The following ANKS1A variants were observed in gnomAD, a reference collection of about 807,000 sequenced individuals.
The protein encoded by ANKS1A is ankyrin repeat and SAM domain-containing protein 1A.
A neutral mutation model predicts 120.3 loss-of-function variants in ANKS1A; 55 were observed. The observed-to-expected ratio is 0.46, with a 90% confidence interval of 0.37 to 0.57. ANKS1A has a LOEUF of 0.57. Among genes scored for constraint, ANKS1A ranks in the 20% least tolerant of loss-of-function variants. The pLI, the probability that ANKS1A is intolerant of heterozygous loss-of-function variation, is 0.00. For missense variants in ANKS1A, 1,123 were observed against 1,480.3 expected, an observed-to-expected ratio of 0.76 and a Z score of 3.96; for synonymous variants, 590 against 604.7, an observed-to-expected ratio of 0.98 and a Z score of 0.36.
intron 1 of ANKS1A, among the ~76,000 whole-genome samples, chr6:34,937,292 G>A (rs997143092): frequency 7.3e-5 from 11 of 151,700 alleles, no homozygotes; most frequent in African/African-American, 2.2e-4. Flanking sequence ...GCAACATTGC[G>A]AGACCTCATC....
intron 1 of ANKS1A, among the ~76,000 whole-genome samples, chr6:34,947,222 T>C (rs1014532851): frequency 1.4e-5 from 2 of 143,536 alleles, no homozygotes; most frequent in Admixed American, 7.2e-5. Flanking sequence ...CTCAGCTCAC[T>C]ACAACCTCTG....
chr6:35,089,386 CCTGTCAGTGATCGGAG>C lies in ANKS1A; in HGVS notation c.*779_*794del. 1.0e-6 allele frequency: 1 copy of C among 986,688 alleles called. No homozygotes were observed. Among genetic ancestry groups the C allele is most frequent in the Non-Finnish European group, 1.2e-6 (1 of 830,580 alleles). The allele number at this position is 986,688 out of a possible 1,614,324, so 61.1% of individuals were successfully genotyped here. ...CGCCAGGCCTCTCCCTGGCCTCTTA[CCTGTCAGTGATCGGAG>C]CACTGCCCTGGGCTGGCCGGCGCCG... On this transcript the variant is annotated 3_prime_UTR_variant, in exon 24 of 24. Coordinates refer to ENST00000360359, the MANE Select transcript of ANKS1A (RefSeq NM_015245.3).
chr6:35,007,691 G>C (rs1773536063), intron 10 of ANKS1A, among the ~76,000 whole-genome samples: 1 of 152,186 alleles, frequency 6.6e-6, no homozygotes, highest in Admixed American at 6.5e-5. Flanking sequence ...AGGTGAAGTG[G>C]TACTTAACAG....
At chr6:35,034,528 A>G (rs967794428) in intron 11 of ANKS1A, among the ~76,000 whole-genome samples, 5 of 152,194 alleles carry the variant, frequency 3.3e-5, no homozygotes, top group Non-Finnish European at 7.3e-5. Context: ...TTCTGTCTGC[A>G]TCTGGGGAGC....
At chr6:34,968,321 C>T (rs898055862) in intron 2 of ANKS1A, among the ~76,000 whole-genome samples, 1 of 152,144 alleles carries the variant, frequency 6.6e-6, no homozygotes, top group African/African-American at 2.4e-5. Flanking sequence ...TGTCGGGGAG[C>T]ACAGTGAGTG....
intron 13 of ANKS1A, among the ~76,000 whole-genome samples, chr6:35,062,311 C>T (rs1054882010): frequency 1.1e-4 from 17 of 152,224 alleles, no homozygotes; most frequent in African/African-American, 4.1e-4. Flanking sequence ...GCACAGCATC[C>T]TGGGTAACCA....
chr6:35,026,422 C>T (rs1774627981), intron 11 of ANKS1A, among the ~76,000 whole-genome samples: 1 of 152,206 alleles, frequency 6.6e-6, no homozygotes, highest in South Asian at 2.1e-4. Context: ...ACAAAACAGA[C>T]AAATCCTCTT....
At chr6:34,894,533 T>C (rs1170831967) in intron 1 of ANKS1A, among the ~76,000 whole-genome samples, 1 of 152,032 alleles carries the variant, frequency 6.6e-6, no homozygotes, top group African/African-American at 2.4e-5. Flanking sequence ...GCACCTGTAG[T>C]CCCAGCTACT....
At chr6:35,012,242 G>T (rs369576900) in intron 10 of ANKS1A, among the ~76,000 whole-genome samples, 3 of 152,154 alleles carry the variant, frequency 2.0e-5, no homozygotes, top group Non-Finnish European at 4.4e-5. Flanking sequence ...TGGGCTTCTT[G>T]AATCCCTGTC....
chr6:35,033,581 C>T (rs1010834118), intron 11 of ANKS1A, among the ~76,000 whole-genome samples: 5 of 152,214 alleles, frequency 3.3e-5, no homozygotes, highest in African/African-American at 9.6e-5. Context: ...TTTCTCTGTA[C>T]TAAATTCTTC....
At chr6:35,092,976 T>C (rs1561976541), downstream of ANKS1A, among the ~76,000 whole-genome samples, 1 of 151,712 alleles carries the variant, frequency 6.6e-6, no homozygotes, top group Non-Finnish European at 1.5e-5. Context: ...CACCCTCTAG[T>C]CAGCCATGGC....
At chr6:35,038,396 AG>A (rs1203790331) in intron 11 of ANKS1A, 3 of 449,872 alleles carry the variant, frequency 6.7e-6, no homozygotes, top group African/African-American at 6.0e-5. Flanking sequence ...GAGAGAGTTA[AG>A]GGCAGTGAAG....
In ANKS1A at chr6:35,060,201, A is replaced by G; in HGVS notation, c.2132A>G (p.Gln711Arg). 6.2e-7 allele frequency: 1 copy of G among 1,612,972 alleles called. No homozygotes were observed. The highest frequency in any genetic ancestry group is 8.5e-7 in the Non-Finnish European group (1 of 1,179,834). The change falls in exon 13 of 24, where the codon CAG (glutamine) becomes CGG (arginine). Residue 711 changes from glutamine to arginine, a missense_variant. Transcript: ENST00000360359. The surrounding 1 kb of genome is among the most constrained non-coding windows in gnomAD (Gnocchi z 4.5). ...VGEWLESIGL[Q>R]QYESKLLLNG... Reference sequence around the variant, plus strand: ...GAGTGGCTGGAGTCGATTGGGCTGCAGCAGTATGAGAGCAAGTTGCTTCTG... The same window carrying G: ...GAGTGGCTGGAGTCGATTGGGCTGCGGCAGTATGAGAGCAAGTTGCTTCTG...
chr6:34,966,399 T>G (rs1473515825), intron 1 of ANKS1A, among the ~76,000 whole-genome samples: 1 of 152,172 alleles, frequency 6.6e-6, no homozygotes, highest in Admixed American at 6.5e-5. Context: ...GGAAAAAAAA[T>G]AGGATACTTC....
chr6:35,009,169 C>T (rs1016243085), intron 10 of ANKS1A, among the ~76,000 whole-genome samples: 8 of 152,118 alleles, frequency 5.3e-5, no homozygotes, highest in Non-Finnish European at 8.8e-5. Context: ...CTGGGAGAGA[C>T]TGGAGGCGGG....
intron 1 of ANKS1A, among the ~76,000 whole-genome samples, chr6:34,931,877 A>G (rs190752169): frequency 2.6e-5 from 4 of 152,358 alleles, no homozygotes; most frequent in African/African-American, 9.6e-5. Flanking sequence ...AAGAAGTACA[A>G]AACAGTAGAT....
At chr6:34,929,352 T>C (rs1768864115) in intron 1 of ANKS1A, among the ~76,000 whole-genome samples, 1 of 152,200 alleles carries the variant, frequency 6.6e-6, no homozygotes, top group Non-Finnish European at 1.5e-5. Context: ...GACGAATGAA[T>C]AAATGTATTC....
intron 9 of ANKS1A, among the ~76,000 whole-genome samples, chr6:34,992,247 A>G (rs1772613059): frequency 6.6e-6 from 1 of 152,218 alleles, no homozygotes; most frequent in Non-Finnish European, 1.5e-5. Flanking sequence ...ATGAAAGAGC[A>G]GAACCGGGTG....
chr6:34,994,512 T>A, intron 10 of ANKS1A, 90 bp downstream of exon 10: 1 of 1,528,110 alleles, frequency 6.5e-7, no homozygotes, highest in Non-Finnish European at 8.9e-7. Context: ...GTCGTAACTA[T>A]GATATTCCTT....
Sources: allele counts gnomAD v4.1 joint callset (sites outside exome capture counted in the v4.1 genomes callset), GRCh38; gene constraint gnomAD v4.1.1; non-coding constraint Gnocchi (gnomAD v3.1); transcripts MANE v1.5; gene names NCBI Gene and HGNC (gene_info 2026-07-23, HGNC 2026-07-21).